Variants in CRB1 observed in about 807,000 individuals in gnomAD.
CRB1 encodes protein crumbs homolog 1.
In CRB1, 83 loss-of-function variants were observed where a neutral mutation model predicts 120.0. The observed-to-expected ratio is 0.69, with a 90% confidence interval of 0.58 to 0.83. The LOEUF is 0.83. Among genes scored for constraint, CRB1 ranks in the 40% least tolerant of loss-of-function variants. The probability of loss-of-function intolerance (pLI) is 0.00; values close to 1 mark genes in which losing one functional copy is unlikely to be tolerated. For synonymous variants in CRB1, 625 were observed against 612.5 expected, an observed-to-expected ratio of 1.02 and a Z score of -0.30; for missense variants, 1,699 against 1,687.6, an observed-to-expected ratio of 1.01 and a Z score of -0.12.
chr1:197,387,183 A>G (rs1463554925), intron 5 of CRB1, among the ~76,000 whole-genome samples: 1 of 151,670 alleles, frequency 6.6e-6, no homozygotes, highest in Non-Finnish European at 1.5e-5. Context: ...GCTCACTTCA[A>G]CCTCCACCTC....
At chr1:197,234,516 A>G in the CRB1 span, among the ~76,000 whole-genome samples, 4 of 152,244 alleles carry the variant, frequency 2.6e-5, no homozygotes, top group Non-Finnish European at 4.4e-5. Flanking sequence ...GTAAACTAGA[A>G]ACAGCAATTT....
At chr1:197,303,752 CT>C (rs1466054860) in intron 1 of CRB1, among the ~76,000 whole-genome samples, 5 of 152,076 alleles carry the variant, frequency 3.3e-5, no homozygotes, top group African/African-American at 1.2e-4. Context: ...TCTAGTTTGC[CT>C]TTATCTAATA....
At chr1:197,340,164 A>G (rs1659368484) in intron 2 of CRB1, among the ~76,000 whole-genome samples, 1 of 152,204 alleles carries the variant, frequency 6.6e-6, no homozygotes, top group Non-Finnish European at 1.5e-5. Flanking sequence ...AAGCAGCATT[A>G]GAGGCAAATA....
rs146667120 is a variant in CRB1 at position 197,291,335 on chromosome 1, C to T, written c.70+22853C>T. Among the ~76,000 whole-genome samples the T allele has an allele frequency of 1.3e-4, 20 of 151,836 alleles. No individual in the cohort carries two copies. The East Asian group carries it at 2.7e-3, about 21-fold the overall frequency. On this transcript the variant is annotated intron_variant, in intron 1 of 11. Transcript: ENST00000367400. ...TCAACACTGTGGGATAATAAACATA[C>T]GGCACTTTGCAAGTATTTTATTTTA...
chr1:197,477,205 C>A (rs1336800025), intron 11 of CRB1, among the ~76,000 whole-genome samples: 4 of 152,188 alleles, frequency 2.6e-5, no homozygotes, highest in African/African-American at 9.6e-5. Context: ...CAAGACCCAA[C>A]TAATTTAATT....
chr1:197,449,086 T>C (rs1665834126), intron 11 of CRB1, among the ~76,000 whole-genome samples: 1 of 152,210 alleles, frequency 6.6e-6, no homozygotes, highest in Admixed American at 6.5e-5. Flanking sequence ...TTTACAACAA[T>C]GTCAAAAGAA....
Position 197,404,441 on chromosome 1 carries a change from C to CAAA in CRB1, c.1172-16533_1172-16531dup, listed in dbSNP as rs558125777. Among the ~76,000 whole-genome samples, 69 of 58,710 alleles carry CAAA rather than the reference C, an allele frequency of 1.2e-3. 7 individuals carry two copies. The highest frequency in any genetic ancestry group is 3.0e-3 in the African/African-American group (52 of 17,072). The allele number at this position is 58,710 out of a possible 152,430, so 38.5% of individuals were successfully genotyped here. A position where few individuals can be genotyped will look rare whatever the true frequency, so the allele number is the denominator to read the frequency against. ...TGGGCGACAGAGCGAGACTCCGTCT[C>CAAA]AAAAAAAAAAAAAAAAAAAAAAAAA... On this transcript the variant is annotated intron_variant, in intron 5 of 11. Coordinates refer to ENST00000367400, the MANE Select transcript of CRB1 (RefSeq NM_201253.3).
intron 5 of CRB1, among the ~76,000 whole-genome samples, chr1:197,385,664 G>A (rs1662177087): frequency 6.6e-6 from 1 of 151,718 alleles, no homozygotes; most frequent in Non-Finnish European, 1.5e-5. Flanking sequence ...TAATCTTTTG[G>A]TGACCTTTAA....
At chr1:197,394,097 G>C (rs1662649956) in intron 5 of CRB1, among the ~76,000 whole-genome samples, 1 of 151,966 alleles carries the variant, frequency 6.6e-6, no homozygotes, top group African/African-American at 2.4e-5. Flanking sequence ...TCTTCTGCCT[G>C]TGCCCAACTA....
the CRB1 span, among the ~76,000 whole-genome samples, chr1:197,239,416 C>A: frequency 1.3e-5 from 2 of 152,034 alleles, no homozygotes; most frequent in African/African-American, 4.8e-5. Flanking sequence ...TGGGGACATA[C>A]CTATTTAGGA....
intron 10 of CRB1, 32 bp downstream of exon 10, chr1:197,438,707 T>C (rs1571564897): frequency 6.2e-7 from 1 of 1,609,592 alleles, no homozygotes; most frequent in Non-Finnish European, 8.5e-7. Context: ...TGGAAGAGAA[T>C]TCTGAGCTAA....
chr1:197,325,250 C>T (rs1370925076), intron 1 of CRB1, among the ~76,000 whole-genome samples: 1 of 152,140 alleles, frequency 6.6e-6, no homozygotes, highest in African/African-American at 2.4e-5. Context: ...CTGCAGAAAG[C>T]CAGGCTAAAG....
chr1:197,379,807 G>C (rs1418137383), intron 5 of CRB1, among the ~76,000 whole-genome samples: 1 of 152,112 alleles, frequency 6.6e-6, no homozygotes, highest in African/African-American at 2.4e-5. Flanking sequence ...CACTGGGTAA[G>C]CTTTGGCAAA....
intron 5 of CRB1, among the ~76,000 whole-genome samples, chr1:197,372,712 T>TA (rs35605549): frequency 0.52 from 75,904 of 146,062 alleles, 23,137 homozygotes; most frequent in South Asian, 0.78. Context: ...TCTGTCTCTT[T>TA]AAAAAAAAAA....
At chr1:197,282,483 T>C (rs1655577862) in intron 1 of CRB1, among the ~76,000 whole-genome samples, 2 of 151,912 alleles carry the variant, frequency 1.3e-5, no homozygotes, top group African/African-American at 4.8e-5. Context: ...GTATGTTATG[T>C]ATAATAGTGA....
Position 197,344,427 on chromosome 1 carries a change from G to T in CRB1, c.799G>T (p.Ala267Ser). Residue 267 changes from alanine (A) to serine (S), a missense_variant, in exon 3 of 12, where the codon GCC (alanine) becomes TCC (serine). Ala to Ser is a moderately conservative substitution (Grantham distance 99, BLOSUM62 1). Transcript: ENST00000367400. ...CTGTGAACTCAACACTGATGAGTGT[G>T]CCAGTCAACCTTGTCTCCATGGAGG... ...DHCELNTDECASQPCLHGGLC... is the reference protein window; with the variant it reads ...DHCELNTDECSSQPCLHGGLC... The T allele has an allele frequency of 6.2e-7, 1 of 1,614,094 alleles. No homozygotes were observed. Among genetic ancestry groups the T allele is most frequent in the South Asian group, 1.1e-5 (1 of 91,070 alleles).
At chr1:197,215,084 TA>T in the CRB1 span, among the ~76,000 whole-genome samples, 2 of 152,114 alleles carry the variant, frequency 1.3e-5, no homozygotes. Flanking sequence ...ATCATTTCAA[TA>T]GAGGCAGAAG....
In CRB1 at chr1:197,421,367, G is replaced by A. The variant is rs1571523693; in HGVS notation, c.1539G>A (p.Arg513=). The A allele has an allele frequency of 1.2e-6, 2 of 1,614,202 alleles. No individual in the cohort carries two copies. Among genetic ancestry groups the A allele is most frequent in the Non-Finnish European group, 8.5e-7 (1 of 1,180,034 alleles). The part of the protein sequence containing the change: ...TKGSVCNIAL[R]FQTVQPMALL... ...GCTCAGTTTGTAACATAGCCCTCAG[G>A]TTTCAGACTGTTCAGCCAATGGCTC... is the stretch of plus-strand genomic sequence containing the variant. Residue 513 remains arginine, a synonymous_variant, in exon 6 of 12, where the codon AGG becomes AGA. Transcript: ENST00000367400.
chr1:197,475,712 T>G (rs1430723124), intron 11 of CRB1, among the ~76,000 whole-genome samples: 5 of 152,136 alleles, frequency 3.3e-5, no homozygotes, highest in Admixed American at 3.3e-4. Context: ...CTTTATAGTA[T>G]TTTCTCTCAC....
Sources: allele counts gnomAD v4.1 joint callset (sites outside exome capture counted in the v4.1 genomes callset), GRCh38; gene constraint gnomAD v4.1.1; transcripts MANE v1.5; gene names NCBI Gene and HGNC (gene_info 2026-07-23, HGNC 2026-07-21).